The following UIMC1 variants were observed in gnomAD, a reference collection of about 807,000 sequenced individuals.
UIMC1 encodes ubiquitin interaction motif containing 1, also known as BRCA1-A complex subunit RAP80.
In UIMC1, 42 loss-of-function variants were observed where a neutral mutation model predicts 84.9. That is an observed-to-expected ratio of 0.49 (90% CI 0.39 to 0.64). UIMC1 has a LOEUF of 0.64. UIMC1 is among the 30% of genes least tolerant of loss of function. The pLI, the probability that UIMC1 is intolerant of heterozygous loss-of-function variation, is 0.00. For missense variants in UIMC1, 825 were observed against 847.6 expected, an observed-to-expected ratio of 0.97 and a Z score of 0.33; for synonymous variants, 281 against 293.0, an observed-to-expected ratio of 0.96 and a Z score of 0.42.
intron 1 of UIMC1, among the ~76,000 whole-genome samples, chr5:176,998,466 CAAAA>C (rs35445945): frequency 3.9e-4 from 25 of 64,400 alleles, no homozygotes; most frequent in South Asian, 3.4e-3. Flanking sequence ...GACTCTGTCT[CAAAA>C]AAAAAAAAAA....
intron 13 of UIMC1, among the ~76,000 whole-genome samples, chr5:176,906,805 C>T (rs1009871905): frequency 9.9e-5 from 15 of 152,194 alleles, no homozygotes; most frequent in Admixed American, 2.0e-4. Context: ...GTTTACTGTG[C>T]CTGTTCCTTT....
chr5:176,911,255 A>C, intron 11 of UIMC1, 56 bp downstream of exon 11: 1 of 1,412,786 alleles, frequency 7.1e-7, no homozygotes. Context: ...CTTTTTATTC[A>C]GTCCAAACGA....
chr5:176,923,900 G>GAC (rs35583665), intron 10 of UIMC1, among the ~76,000 whole-genome samples: 2,468 of 145,644 alleles, frequency 0.017, 26 homozygotes, highest in Non-Finnish European at 0.019. Context: ...CACACACACA[G>GAC]ACACACACAC....
intron 13 of UIMC1, among the ~76,000 whole-genome samples, chr5:176,906,548 A>G (rs1355129016): frequency 1.3e-5 from 2 of 152,240 alleles, no homozygotes; most frequent in African/African-American, 2.4e-5. Flanking sequence ...CAGTAATAAT[A>G]GCAGCTAACA....
intron 10 of UIMC1, among the ~76,000 whole-genome samples, chr5:176,922,825 A>G (rs1447604247): frequency 6.6e-6 from 1 of 152,284 alleles, no homozygotes; most frequent in Non-Finnish European, 1.5e-5. Flanking sequence ...AGCTATAAAT[A>G]TTATAGACAA....
intron 11 of UIMC1, among the ~76,000 whole-genome samples, 164 bp downstream of exon 11, chr5:176,911,147 A>AAAGAAAAGAAAAGAAAAGAG (rs1760131177): frequency 1.4e-5 from 1 of 73,258 alleles, no homozygotes; most frequent in Non-Finnish European, 3.0e-5. Context: ...AAAGAAAAGA[A>AAAGAAAAGAAAAGAAAAGAG]AAGAAAAGAA....
intron 2 of UIMC1, among the ~76,000 whole-genome samples, chr5:176,979,616 GA>G (rs1305928324): frequency 1.3e-5 from 2 of 150,816 alleles, no homozygotes; most frequent in Non-Finnish European, 3.0e-5. Flanking sequence ...AAAAAAAAAA[GA>G]AAGGTGGAAA....
chr5:177,019,360 G>C (rs745956362), intron 1 of UIMC1, among the ~76,000 whole-genome samples: 26 of 152,152 alleles, frequency 1.7e-4, no homozygotes, highest in Admixed American at 7.2e-4. Context: ...CCCTGGGCTG[G>C]GTGTGTGGTT....
chr5:176,995,720 G>A (rs150600208), intron 1 of UIMC1, among the ~76,000 whole-genome samples: 186 of 151,512 alleles, frequency 1.2e-3, no homozygotes, highest in African/African-American at 4.0e-3. Context: ...GCAGGAGCCC[G>A]TAGTCCCAGC....
At position 176,982,518 on chromosome 5, in the gene UIMC1, T is replaced by C; in HGVS notation, c.98A>G (p.Lys33Arg). 1 of 1,614,140 alleles carries C rather than the reference T, an allele frequency of 6.2e-7. No individual in the cohort carries two copies. Among genetic ancestry groups the C allele is most frequent in the African/African-American group, 1.3e-5 (1 of 75,060 alleles). Residue 33 changes from lysine to arginine, a missense_variant, in exon 2 of 15, where the codon AAG (lysine) becomes AGG (arginine). By Grantham distance (26) the Lys-to-Arg change is conservative. Coordinates refer to ENST00000511320, the MANE Select transcript of UIMC1 (RefSeq NM_001199298.2). ...AATGAATGCATCCTCAAGTCTACGC[T>C]TCCTCTTCACACTGACAGAACTGGT... ...ETTSSVSVKR[K>R]RRLEDAFIVI...
intron 1 of UIMC1, among the ~76,000 whole-genome samples, chr5:176,993,686 T>C (rs1450573723): frequency 2.0e-5 from 3 of 152,100 alleles, no homozygotes; most frequent in East Asian, 3.8e-4. Flanking sequence ...ATATGAATAC[T>C]AATGTATGTA....
intron 5 of UIMC1, 48 bp downstream of exon 5, chr5:176,969,553 G>T (rs774853614): frequency 2.6e-6 from 4 of 1,567,280 alleles, no homozygotes; most frequent in Non-Finnish European, 3.5e-6. Context: ...GATCCCTGTG[G>T]TACAGTTATA....
In UIMC1 at chr5:176,905,074, GT is replaced by G. The variant is rs1224665230; in HGVS notation, c.*207del. On this transcript the variant is annotated 3_prime_UTR_variant, in exon 15 of 15. Coordinates refer to ENST00000511320, the MANE Select transcript of UIMC1 (RefSeq NM_001199298.2). Reference sequence around the variant, plus strand: ...ATATATTTAAATTTTTTAACTGTAAGTAAATTCAAACAAACTGTTATAAAAC... The same window carrying G: ...ATATATTTAAATTTTTTAACTGTAAGAAATTCAAACAAACTGTTATAAAAC... 1 of 444,152 alleles carries G rather than the reference GT, an allele frequency of 2.3e-6. No homozygotes were observed. Among genetic ancestry groups the G allele is most frequent in the Non-Finnish European group, 4.0e-6 (1 of 253,134 alleles). 27.5% of individuals were successfully genotyped at this position (444,152 alleles called of 1,614,324 possible).
chr5:177,003,923 G>T (rs1191528111), intron 1 of UIMC1, among the ~76,000 whole-genome samples: 1 of 152,166 alleles, frequency 6.6e-6, no homozygotes, highest in Admixed American at 6.6e-5. Flanking sequence ...CGACTTCCCA[G>T]GATCAGGCAA....
chr5:177,015,586 A>G (rs938728969), intron 1 of UIMC1, among the ~76,000 whole-genome samples: 4 of 152,232 alleles, frequency 2.6e-5, no homozygotes, highest in Non-Finnish European at 5.9e-5. Context: ...CTATACAGAT[A>G]TGCTCATTTT....
At chr5:177,009,637 A>G (rs746208408), upstream of UIMC1, among the ~76,000 whole-genome samples, 4 of 152,194 alleles carry the variant, frequency 2.6e-5, no homozygotes, top group Non-Finnish European at 5.9e-5. This position sits in a 1 kb window ranked among gnomAD's most constrained non-coding sequence, Gnocchi z 4.3. Flanking sequence ...GAAAAACTAA[A>G]TAAAATAAAT....
chr5:176,911,176 A>T (rs1760153554), intron 11 of UIMC1, 135 bp downstream of exon 11: 4 of 402,482 alleles, frequency 9.9e-6, no homozygotes, highest in Non-Finnish European at 1.6e-5. Context: ...AAAAGAAAAG[A>T]AAATTCAGGC....
At chr5:177,006,475 C>T (rs1456300972) in intron 1 of UIMC1, 175 bp downstream of exon 1, 1 of 152,292 alleles carries the variant, frequency 6.6e-6, no homozygotes, top group African/African-American at 2.4e-5. Context: ...GGAGCCCACC[C>T]CCGCGTCGCG....
upstream of UIMC1, among the ~76,000 whole-genome samples, chr5:177,008,404 C>T (rs1471986025): frequency 6.6e-6 from 1 of 152,142 alleles, no homozygotes; most frequent in Non-Finnish European, 1.5e-5. Context: ...CTCTATGAGT[C>T]TATATCTCTT....
Sources: allele counts gnomAD v4.1 joint callset (sites outside exome capture counted in the v4.1 genomes callset), GRCh38; gene constraint gnomAD v4.1.1; non-coding constraint Gnocchi (gnomAD v3.1); transcripts MANE v1.5; gene names NCBI Gene and HGNC (gene_info 2026-07-23, HGNC 2026-07-21).